The following CACNA2D3 variants were observed in gnomAD, a reference collection of about 807,000 sequenced individuals.
CACNA2D3 encodes the protein voltage-dependent calcium channel subunit alpha-2/delta-3.
A neutral mutation model predicts 160.6 loss-of-function variants in CACNA2D3; 60 were observed. The ratio of observed to expected loss-of-function variants is 0.37; its 90% CI spans 0.30 to 0.46. The LOEUF (loss-of-function observed/expected upper bound fraction) is 0.46. Ranked by LOEUF, CACNA2D3 falls within the 20% of genes least tolerant of loss-of-function variation. The probability of loss-of-function intolerance (pLI) is 1.00; values close to 1 mark genes in which losing one functional copy is unlikely to be tolerated. For missense variants in CACNA2D3, 1,205 were observed against 1,365.0 expected, an observed-to-expected ratio of 0.88 and a Z score of 1.85; for synonymous variants, 558 against 492.9, an observed-to-expected ratio of 1.13 and a Z score of -1.75.
chr3:54,472,162 A>C (rs1700744730), intron 4 of CACNA2D3, among the ~76,000 whole-genome samples: 1 of 152,232 alleles, frequency 6.6e-6, no homozygotes, highest in Non-Finnish European at 1.5e-5. Flanking sequence ...AATACTGGCA[A>C]ACCAAATCCA....
chr3:54,879,079 T>C lies in CACNA2D3; in HGVS notation c.1772T>C (p.Val591Ala), dbSNP rs1699730668. 1.3e-6 allele frequency: 2 copies of C among 1,595,016 alleles called. No individual in the cohort carries two copies. Among genetic ancestry groups the C allele is most frequent in the Admixed American group, 1.8e-5 (1 of 56,404 alleles). The change falls in exon 19 of 38, where the codon GTG (valine) becomes GCG (alanine). Residue 591 changes from valine (V) to alanine (A), a missense_variant. By Grantham distance (64) the Val-to-Ala change is moderately conservative (BLOSUM62 0). Transcript: ENST00000474759. ...GKFSMEVKKT[V>A]DKGKRVLVMT... The stretch of plus-strand genomic sequence containing the variant: ...TTTTCCATGGAGGTGAAGAAGACAG[T>C]GGACAAAGGGGTACATTTTTCTCAA...
At chr3:55,056,525 T>C (rs1389925242) in intron 35 of CACNA2D3, among the ~76,000 whole-genome samples, 3 of 152,226 alleles carry the variant, frequency 2.0e-5, no homozygotes, top group Non-Finnish European at 4.4e-5. Flanking sequence ...TGCAGCACTT[T>C]TCATAATAGC....
At chr3:54,683,907 T>C (rs11920788) in intron 11 of CACNA2D3, among the ~76,000 whole-genome samples, 37,407 of 150,948 alleles carry the variant, frequency 0.25, 4,993 homozygotes, top group African/African-American at 0.28. Flanking sequence ...CTCCAATCCT[T>C]GCCCCTTCTT....
intron 4 of CACNA2D3, among the ~76,000 whole-genome samples, chr3:54,456,544 G>A (rs1700399917): frequency 1.3e-5 from 2 of 151,754 alleles, no homozygotes; most frequent in African/African-American, 4.8e-5. Flanking sequence ...TATTCATTAG[G>A]GATATTGGCC....
intron 11 of CACNA2D3, among the ~76,000 whole-genome samples, chr3:54,661,205 CA>C (rs1283920495): frequency 1.3e-5 from 2 of 152,178 alleles, no homozygotes; most frequent in East Asian, 3.8e-4. Flanking sequence ...GGCTGGGGGA[CA>C]AGTGTCTAGA....
rs79472137 is a variant in CACNA2D3 at position 54,200,806 on chromosome 3, C to T, written c.204+77212C>T. 1.9e-3 allele frequency among the ~76,000 whole-genome samples: 283 copies of T among 152,276 alleles called. 3 individuals carry two copies. In the East Asian group the frequency reaches 0.021, roughly 12 times the overall value. On this transcript the variant is annotated intron_variant, in intron 2 of 37. Coordinates refer to ENST00000474759, the MANE Select transcript of CACNA2D3 (RefSeq NM_018398.3). Reference sequence around the variant, plus strand: ...TTTGAGATTATATTGACCCTGTAGACTTGTCTCCTGTTTCCCTATTTTCTA... The same window carrying T: ...TTTGAGATTATATTGACCCTGTAGATTTGTCTCCTGTTTCCCTATTTTCTA...
At chr3:54,646,937 C>G (rs1317984052) in intron 11 of CACNA2D3, among the ~76,000 whole-genome samples, 1 of 152,180 alleles carries the variant, frequency 6.6e-6, no homozygotes, top group African/African-American at 2.4e-5. Flanking sequence ...GGCAGAGAGA[C>G]TCTCCCTGAT....
chr3:54,822,775 TTTCTTTCTTTCTTTCC>T (rs1559595511), intron 14 of CACNA2D3, among the ~76,000 whole-genome samples: 56 of 92,926 alleles, frequency 6.0e-4, no homozygotes, highest in African/African-American at 1.3e-3. Flanking sequence ...TCTTTCTTTC[TTTCTTTCTTTCTTTCC>T]TTTCTTTCTT....
chr3:54,332,738 C>T (rs372288000), intron 3 of CACNA2D3, among the ~76,000 whole-genome samples: 11 of 152,176 alleles, frequency 7.2e-5, no homozygotes, highest in African/African-American at 2.4e-4. Context: ...TACCTTCATT[C>T]GTCCAAGGCC....
intron 4 of CACNA2D3, among the ~76,000 whole-genome samples, chr3:54,421,183 T>C (rs1220000089): frequency 6.6e-6 from 1 of 152,174 alleles, no homozygotes; most frequent in Non-Finnish European, 1.5e-5. Context: ...TGGGAACATA[T>C]CTATAATTGG....
chr3:54,826,992 GCC>G (rs1703762900), intron 14 of CACNA2D3, among the ~76,000 whole-genome samples: 6 of 152,160 alleles, frequency 3.9e-5, no homozygotes, highest in Admixed American at 3.3e-4. Context: ...TTCATTTAAT[GCC>G]TCCAAGAACT....
At chr3:54,498,112 T>C (rs1327869497) in intron 4 of CACNA2D3, among the ~76,000 whole-genome samples, 1 of 151,664 alleles carries the variant, frequency 6.6e-6, no homozygotes, top group Admixed American at 6.6e-5. Flanking sequence ...AGATAGGAAG[T>C]ATTTTCTCCT....
intron 9 of CACNA2D3, among the ~76,000 whole-genome samples, chr3:54,620,966 G>A (rs1698974139): frequency 6.6e-6 from 1 of 152,234 alleles, no homozygotes; most frequent in Non-Finnish European, 1.5e-5. Flanking sequence ...AGGGCTTGGT[G>A]ACGTGACTTC....
chr3:54,359,356 A>C (rs954469964), intron 3 of CACNA2D3, among the ~76,000 whole-genome samples: 2 of 152,188 alleles, frequency 1.3e-5, no homozygotes, highest in African/African-American at 4.8e-5. Flanking sequence ...CTGCAGTATG[A>C]ATTTGTCAGG....
chr3:54,782,835 C>G (rs1173127447), intron 13 of CACNA2D3, among the ~76,000 whole-genome samples: 1 of 152,138 alleles, frequency 6.6e-6, no homozygotes, highest in Admixed American at 6.5e-5. Context: ...TGATGATGCA[C>G]TTCTGAAGCA....
chr3:54,995,551 G>T (rs1207743401), intron 31 of CACNA2D3, among the ~76,000 whole-genome samples: 1 of 152,144 alleles, frequency 6.6e-6, no homozygotes, highest in Non-Finnish European at 1.5e-5. Flanking sequence ...CATCATATCT[G>T]CAATTCAGGC....
intron 4 of CACNA2D3, among the ~76,000 whole-genome samples, chr3:54,400,758 A>G (rs1225671817): frequency 1.3e-5 from 2 of 152,198 alleles, no homozygotes; most frequent in East Asian, 1.9e-4. Flanking sequence ...CTTTCCCTAT[A>G]AAAGCCAGTC....
intron 18 of CACNA2D3, among the ~76,000 whole-genome samples, chr3:54,876,753 G>A (rs1216421547): frequency 6.6e-6 from 1 of 152,186 alleles, no homozygotes. Flanking sequence ...ATAAGTTTGA[G>A]GGGTTTAAAA....
At chr3:54,456,038 T>C (rs1468369986) in intron 4 of CACNA2D3, among the ~76,000 whole-genome samples, 2 of 152,174 alleles carry the variant, frequency 1.3e-5, no homozygotes, top group Non-Finnish European at 2.9e-5. Context: ...TTCAGACTCT[T>C]ATATGGTTCT....
Sources: gnomAD v4.1 joint callset for allele counts (sites outside exome capture counted in the v4.1 genomes callset) on GRCh38, gnomAD v4.1.1 for gene constraint, MANE v1.5 for transcripts, NCBI Gene and HGNC (gene_info 2026-07-23, HGNC 2026-07-21) for gene names.